The following TUSC3 variants were observed in gnomAD, a reference collection of about 807,000 sequenced individuals.
TUSC3 encodes dolichyl-diphosphooligosaccharide--protein glycosyltransferase subunit TUSC3.
TUSC3 carries 45 observed loss-of-function variants against 44.8 expected under a neutral mutation model. That is an observed-to-expected ratio of 1.00 (90% confidence interval 0.79 to 1.29). TUSC3 has a LOEUF of 1.29. TUSC3 is among the 50% of genes most tolerant of loss of function. The probability of loss-of-function intolerance (pLI) is 0.00; values close to 1 mark genes in which losing one functional copy is unlikely to be tolerated. For synonymous variants in TUSC3, 212 were observed against 152.9 expected, an observed-to-expected ratio of 1.39 and a Z score of -2.85; for missense variants, 519 against 437.9, an observed-to-expected ratio of 1.19 and a Z score of -1.65.
At chr8:15,641,805 G>T (rs76337726) in intron 2 of TUSC3, among the ~76,000 whole-genome samples, 3,458 of 152,232 alleles carry the variant, frequency 0.023, 124 homozygotes, top group African/African-American at 0.077. Context: ...TAGGTGTAGT[G>T]TTACATTGTT....
At chr8:15,659,433 A>G (rs1015228607) in intron 3 of TUSC3, 74 bp from the exon 4 acceptor site, 21 of 1,550,752 alleles carry the variant, frequency 1.4e-5, no homozygotes, top group Non-Finnish European at 1.7e-5. Flanking sequence ...CCGAATTTCT[A>G]CAGAAAAAGT....
At chr8:15,617,444 C>T (rs1348588439) in intron 1 of TUSC3, among the ~76,000 whole-genome samples, 2 of 151,980 alleles carry the variant, frequency 1.3e-5, no homozygotes, top group African/African-American at 4.8e-5. Context: ...GGCCTGTATT[C>T]CTGTTTAAAA....
the TUSC3 span, among the ~76,000 whole-genome samples, chr8:15,811,596 A>G: frequency 1.3e-5 from 2 of 152,200 alleles, no homozygotes; most frequent in East Asian, 3.9e-4. Flanking sequence ...AGGCACAAAG[A>G]AGCAAGTGAA....
intron 2 of TUSC3, among the ~76,000 whole-genome samples, chr8:15,492,546 A>G (rs1323882921): frequency 6.6e-6 from 1 of 152,122 alleles, no homozygotes; most frequent in Non-Finnish European, 1.5e-5. Flanking sequence ...TAAGAGACCT[A>G]TTTCTGGAAG....
At chr8:15,734,925 C>A (rs894355539) in intron 7 of TUSC3, among the ~76,000 whole-genome samples, 4 of 152,092 alleles carry the variant, frequency 2.6e-5, no homozygotes, top group African/African-American at 4.8e-5. Flanking sequence ...ATAATGAAGA[C>A]CTTGCTGAGA....
At chr8:15,435,544 C>T (rs1799935068) in intron 1 of TUSC3, among the ~76,000 whole-genome samples, 2 of 152,136 alleles carry the variant, frequency 1.3e-5, no homozygotes, top group South Asian at 2.1e-4. Context: ...TATAGAAGTA[C>T]TGGACTGTTT....
chr8:15,535,083 G>C (rs141538029), intron 2 of TUSC3, among the ~76,000 whole-genome samples: 966 of 152,254 alleles, frequency 6.3e-3, no homozygotes, highest in Middle Eastern at 0.014. Flanking sequence ...TTCTGAAATT[G>C]GTTTCATGTG....
intron 1 of TUSC3, among the ~76,000 whole-genome samples, chr8:15,474,178 C>T (rs544320492): frequency 9.2e-5 from 14 of 152,322 alleles, no homozygotes; most frequent in East Asian, 3.9e-4. Context: ...TGCCCGACCT[C>T]ACAGGCAGTC....
the TUSC3 span, among the ~76,000 whole-genome samples, chr8:15,779,360 G>T: frequency 6.6e-6 from 1 of 151,996 alleles, no homozygotes; most frequent in African/African-American, 2.4e-5. Flanking sequence ...GAGCCACTGT[G>T]CCCAGCCCAC....
At chr8:15,441,174 A>G (rs1235427122) in intron 1 of TUSC3, among the ~76,000 whole-genome samples, 1 of 152,236 alleles carries the variant, frequency 6.6e-6, no homozygotes, top group African/African-American at 2.4e-5. Context: ...TGGGAGGCTG[A>G]GACAGGTGGA....
intron 2 of TUSC3, among the ~76,000 whole-genome samples, chr8:15,529,389 G>C (rs1801421911): frequency 6.6e-6 from 1 of 152,040 alleles, no homozygotes; most frequent in Admixed American, 6.6e-5. Flanking sequence ...TATGGAAAAT[G>C]GCATTAAGTT....
chr8:15,779,282 A>G, the TUSC3 span, among the ~76,000 whole-genome samples: 1 of 152,106 alleles, frequency 6.6e-6, no homozygotes, highest in Non-Finnish European at 1.5e-5. Context: ...TGCCCAGGCT[A>G]GTCTTGAACT....
chr8:15,498,925 G>A (rs998176408), intron 2 of TUSC3, among the ~76,000 whole-genome samples: 4 of 152,082 alleles, frequency 2.6e-5, no homozygotes, highest in South Asian at 2.1e-4. Flanking sequence ...CCTGTTTACC[G>A]GATTGAATTC....
chr8:15,699,597 C>T (rs971318113), intron 6 of TUSC3, among the ~76,000 whole-genome samples: 5 of 152,138 alleles, frequency 3.3e-5, no homozygotes, highest in African/African-American at 1.2e-4. Flanking sequence ...TTAAATAATA[C>T]TTGTATTTTC....
At chr8:15,638,127 G>T (rs1439224906) in intron 2 of TUSC3, among the ~76,000 whole-genome samples, 3 of 152,072 alleles carry the variant, frequency 2.0e-5, no homozygotes, top group African/African-American at 4.8e-5. Flanking sequence ...TTCAAATTCA[G>T]CTGAGATTCT....
intron 1 of TUSC3, among the ~76,000 whole-genome samples, chr8:15,459,038 C>T (rs1800304390): frequency 6.6e-6 from 1 of 152,130 alleles, no homozygotes; most frequent in African/African-American, 2.4e-5. Context: ...CTTTTATGAT[C>T]TCCCCAAATG....
intron 1 of TUSC3, among the ~76,000 whole-genome samples, chr8:15,558,603 C>G (rs1185556444): frequency 2.1e-5 from 2 of 96,528 alleles, no homozygotes; most frequent in Non-Finnish European, 2.3e-5. Flanking sequence ...CCTTGTATCT[C>G]TGGTAGAATT....
At chr8:15,670,118 A>C (rs951605849) in intron 5 of TUSC3, among the ~76,000 whole-genome samples, 2 of 151,880 alleles carry the variant, frequency 1.3e-5, no homozygotes, top group Non-Finnish European at 2.9e-5. Context: ...TTAAAAACTT[A>C]AATGGCAGGT....
intron 2 of TUSC3, among the ~76,000 whole-genome samples, chr8:15,493,090 C>G (rs765965934): frequency 1.8e-4 from 28 of 151,602 alleles, no homozygotes; most frequent in Admixed American, 2.0e-4. Flanking sequence ...CTTTAATACA[C>G]AAAAAAAATC....
Sources: allele counts gnomAD v4.1 joint callset (sites outside exome capture counted in the v4.1 genomes callset), GRCh38; gene constraint gnomAD v4.1.1; transcripts MANE v1.5; gene names NCBI Gene and HGNC (gene_info 2026-07-23, HGNC 2026-07-21).